Variants in NEMF observed in about 807,000 individuals in gnomAD.
NEMF encodes nuclear export mediator factor.
A neutral mutation model predicts 162.2 loss-of-function variants in NEMF; 89 were observed. The ratio of observed to expected loss-of-function variants is 0.55; its 90% confidence interval spans 0.46 to 0.65. The LOEUF is 0.65. NEMF is among the 30% of genes least tolerant of loss of function. The pLI, the probability that NEMF is intolerant of heterozygous loss-of-function variation, is 0.00. For missense variants in NEMF, 1,133 were observed against 1,261.9 expected (o/e 0.90, Z 1.55); for synonymous variants, 421 against 404.5 (o/e 1.04, Z -0.49).
rs1187362993 is a variant in NEMF at position 49,802,581 on chromosome 14, A to C, written c.1975-8T>G. 3 of 1,613,284 alleles carry C rather than the reference A, an allele frequency of 1.9e-6. No individual in the cohort carries two copies. The highest frequency in any genetic ancestry group is 2.5e-6 in the Non-Finnish European group (3 of 1,179,818). Reference sequence around the variant, plus strand: ...AACACAAGACTCATCTACCTAAAGAAACAGTTATTTTTCAGTGACGGAGCT... The same window carrying C: ...AACACAAGACTCATCTACCTAAAGACACAGTTATTTTTCAGTGACGGAGCT... On this transcript the variant is annotated splice_region_variant and splice_polypyrimidine_tract_variant and intron_variant, in intron 21 of 32. Coordinates refer to ENST00000298310, the MANE Select transcript of NEMF (RefSeq NM_004713.6).
chr14:49,849,991 G>T (rs1246413593), intron 3 of NEMF, among the ~76,000 whole-genome samples: 2 of 152,126 alleles, frequency 1.3e-5, no homozygotes, highest in East Asian at 3.8e-4. Context: ...TCTCTGTAAA[G>T]CCTCTAATGA....
Position 49,828,287 on chromosome 14 carries a change from G to A in NEMF, c.1488+4C>T. ...TAACATTCACTCTAAGAAATACTCA[G>A]TACCTTCTCAGCAGCTTCAACAGTC... is the stretch of plus-strand genomic sequence containing the variant. On this transcript the variant is annotated splice_donor_region_variant and intron_variant, in intron 15 of 32. Coordinates refer to ENST00000298310, the MANE Select transcript of NEMF (RefSeq NM_004713.6). The A allele has an allele frequency of 6.3e-7, 1 of 1,591,392 alleles. No homozygotes were observed. The highest frequency in any genetic ancestry group is 8.6e-7 in the Non-Finnish European group (1 of 1,160,078).
At chr14:49,818,164 T>G (rs1304582831) in intron 16 of NEMF, 1 of 147,826 alleles carries the variant, frequency 6.8e-6, no homozygotes, top group African/African-American at 2.5e-5. Context: ...CTCGGCTCAC[T>G]GCAAGCTCCG....
intron 14 of NEMF, 109 bp downstream of exon 14, chr14:49,828,506 CA>C (rs1566689955): frequency 1.9e-5 from 20 of 1,030,794 alleles, no homozygotes; most frequent in East Asian, 1.0e-4. Context: ...TATTTTCACC[CA>C]AAAAAAGTAT....
chr14:49,782,548 A>G lies in NEMF; in HGVS notation c.*2088T>C. On this transcript the variant is annotated 3_prime_UTR_variant, in exon 33 of 33. Coordinates refer to ENST00000298310, the MANE Select transcript of NEMF (RefSeq NM_004713.6). The stretch of plus-strand genomic sequence containing the variant: ...CTTCCTATTTATTTTTCAGGCACAC[A>G]GTAATGAAATACTAATATTTTCAGT... 3 of 1,607,680 alleles carry G rather than the reference A, an allele frequency of 1.9e-6. No homozygotes were observed. Among genetic ancestry groups the G allele is most frequent in the Non-Finnish European group, 2.6e-6 (3 of 1,175,656 alleles).
Position 49,831,282 on chromosome 14 carries a change from T to C in NEMF, c.945+17A>G. The C allele has an allele frequency of 1.4e-6, 2 of 1,436,792 alleles. No individual in the cohort carries two copies. The highest frequency in any genetic ancestry group is 2.0e-6 in the Non-Finnish European group (2 of 1,023,344). 89.0% of individuals were successfully genotyped at this position (1,436,792 alleles called of 1,614,324 possible). ...TAAAGACTAGCTGGTTTAATATGTG[T>C]TTTTAATAATACATACCTGTTGTAA... On this transcript the variant is annotated intron_variant, in intron 11 of 32. Transcript: ENST00000298310.
rs531873698 is a variant in NEMF at position 49,845,159 on chromosome 14, C to G, written c.357+981G>C. ...CCAGGCTGGAGCACAGTGACACAATCTGAGCTCACTGGAACCTCTGCCTCC... is the reference window on the plus strand; with the variant it reads ...CCAGGCTGGAGCACAGTGACACAATGTGAGCTCACTGGAACCTCTGCCTCC... On this transcript the variant is annotated intron_variant, in intron 4 of 32. Transcript: ENST00000298310. Among the ~76,000 whole-genome samples the G allele has an allele frequency of 5.3e-5, 8 of 151,816 alleles. No homozygotes were observed. In the South Asian group the frequency reaches 1.7e-3, roughly 32 times the overall value.
chr14:49,838,419 C>A (rs766021062), intron 5 of NEMF, among the ~76,000 whole-genome samples: 1 of 152,078 alleles, frequency 6.6e-6, no homozygotes, highest in Non-Finnish European at 1.5e-5. Context: ...CTAAGATAAA[C>A]CAGTATTTTT....
At chr14:49,821,830 T>C (rs8021344) in intron 16 of NEMF, among the ~76,000 whole-genome samples, 147,104 of 151,844 alleles carry the variant, frequency 0.97, 71,451 homozygotes, top group East Asian at 1. Flanking sequence ...TCATTGAGAA[T>C]GGGCCATGAT....
intron 6 of NEMF, 72 bp downstream of exon 6, chr14:49,838,067 A>G (rs1892995750): frequency 2.5e-6 from 3 of 1,201,168 alleles, no homozygotes; most frequent in East Asian, 2.4e-5. Flanking sequence ...TAAAACCATA[A>G]AAGATTTCAA....
intron 22 of NEMF, 28 bp downstream of exon 22, chr14:49,802,425 A>C: frequency 6.2e-7 from 1 of 1,607,634 alleles, no homozygotes; most frequent in Non-Finnish European, 8.5e-7. Flanking sequence ...AAACATCACA[A>C]GCTAATTTCT....
intron 5 of NEMF, 140 bp from the exon 6 acceptor site, chr14:49,838,346 T>G: frequency 1.6e-6 from 1 of 628,510 alleles, no homozygotes; most frequent in Non-Finnish European, 2.7e-6. Context: ...ATTCTTCTGT[T>G]GTGAGAAAAT....
At chr14:49,802,596 G>T in intron 21 of NEMF, 23 bp from the exon 22 acceptor site, 1 of 1,612,640 alleles carries the variant, frequency 6.2e-7, no homozygotes. Context: ...TTATTTTTCA[G>T]TGACGGAGCT....
rs1191276735 is a variant in NEMF at position 49,833,407 on chromosome 14, G to C, written c.735+16C>G. ...AATAAATCACAACAATATATAGTAA[G>C]TATACATGGTGCTACCTTCCCACTG... On this transcript the variant is annotated intron_variant, in intron 8 of 32. Coordinates refer to ENST00000298310, the MANE Select transcript of NEMF (RefSeq NM_004713.6). The C allele has an allele frequency of 2.7e-6, 4 of 1,500,084 alleles. No individual in the cohort carries two copies. The African/African-American group carries it at 4.1e-5, about 16-fold the overall frequency. The allele number at this position is 1,500,084 out of a possible 1,614,324, so 92.9% of individuals were successfully genotyped here.
At chr14:49,793,128 T>C (rs1035166527) in intron 26 of NEMF, among the ~76,000 whole-genome samples, 2 of 152,218 alleles carry the variant, frequency 1.3e-5, no homozygotes, top group African/African-American at 4.8e-5. Flanking sequence ...AAACAGTTCC[T>C]GTAATGGAAT....
At position 49,828,615 on chromosome 14, in the gene NEMF, CT is replaced by C; in HGVS notation, c.1424del (p.Lys475SerfsTer35). ...CTAAAATGTAAAGTTAAATGACTTA[CT>C]TTTTGGCATTGGCATATGCTGACAA... The part of the protein sequence containing the change: ...LSLSAYANAK[K>X]YYDHKRYAAK... On this transcript the variant is annotated frameshift_variant and splice_region_variant, in exon 14 of 33. Coordinates refer to ENST00000298310, the MANE Select transcript of NEMF (RefSeq NM_004713.6). LOFTEE classifies it high-confidence loss of function. 1 of 1,543,990 alleles carries C rather than the reference CT, an allele frequency of 6.5e-7. No individual in the cohort carries two copies.
intron 20 of NEMF, 80 bp from the exon 21 acceptor site, chr14:49,802,807 TCA>T: frequency 1.0e-6 from 1 of 992,286 alleles, no homozygotes; most frequent in South Asian, 1.4e-5. Flanking sequence ...AAAATTAGTG[TCA>T]GATGACACTA....
At chr14:49,814,916 T>C in intron 16 of NEMF, 59 bp from the exon 17 acceptor site, 1 of 955,992 alleles carries the variant, frequency 1.0e-6, no homozygotes, top group Middle Eastern at 2.1e-4. Context: ...ATTCATACCC[T>C]TTTTGCAAAC....
intron 6 of NEMF, among the ~76,000 whole-genome samples, chr14:49,837,477 C>T (rs899547199): frequency 1.3e-5 from 2 of 151,692 alleles, no homozygotes. Context: ...ATAATGAGAC[C>T]CTACCTCTAA....
Sources: gnomAD v4.1 joint callset for allele counts (sites outside exome capture counted in the v4.1 genomes callset) on GRCh38, gnomAD v4.1.1 for gene constraint, MANE v1.5 for transcripts, NCBI Gene and HGNC (gene_info 2026-07-23, HGNC 2026-07-21) for gene names.